Variants in ASH1L observed in about 807,000 individuals in gnomAD.
ASH1L encodes histone-lysine N-methyltransferase ASH1L.
Under a neutral mutation model 269.0 loss-of-function variants are expected in ASH1L, and 23 were observed. That is an observed-to-expected ratio of 0.09 (90% confidence interval 0.06 to 0.12). The LOEUF is 0.12. ASH1L is among the 10% of genes least tolerant of loss of function. The probability of loss-of-function intolerance (pLI) is 1.00; values close to 1 mark genes in which losing one functional copy is unlikely to be tolerated. For synonymous variants in ASH1L, 1,187 were observed against 1,253.5 expected (o/e 0.95, Z 1.12); for missense variants, 2,912 against 3,567.8 (o/e 0.82, Z 4.68).
chr1:155,381,483 G>A (rs1291233431), intron 7 of ASH1L, among the ~76,000 whole-genome samples: 1 of 151,936 alleles, frequency 6.6e-6, no homozygotes, highest in Non-Finnish European at 1.5e-5. Context: ...CTGGGAGGCA[G>A]AGGTTGCAGT....
intron 4 of ASH1L, among the ~76,000 whole-genome samples, chr1:155,446,606 AGTTTC>A (rs1394602171): frequency 1.4e-5 from 2 of 144,228 alleles, no homozygotes; most frequent in East Asian, 2.0e-4. Context: ...GCTACATTTC[AGTTTC>A]TTTTTTTTTT....
At position 155,343,236 on chromosome 1, in the gene ASH1L, C is replaced by T. The variant is rs1375738927; in HGVS notation, c.8293+78G>A. ...GCTTAAGCAATCTGCCTGCCTCGGC[C>T]TCCCACACCGCTGGGATTATCAGCG... On this transcript the variant is annotated intron_variant, in intron 24 of 27. Coordinates refer to ENST00000392403, the MANE Select transcript of ASH1L (RefSeq NM_018489.3). This position sits in a 1 kb window ranked among gnomAD's most constrained non-coding sequence, Gnocchi z 6.1. 1 of 1,501,118 alleles carries T rather than the reference C, an allele frequency of 6.7e-7. No homozygotes were observed. Among genetic ancestry groups the T allele is most frequent in the Non-Finnish European group, 9.0e-7 (1 of 1,109,808 alleles). The allele number at this position is 1,501,118 out of a possible 1,614,324, so 93.0% of individuals were successfully genotyped here. A position where few individuals can be genotyped will look rare whatever the true frequency, so the allele number is the denominator to read the frequency against.
intron 2 of ASH1L, among the ~76,000 whole-genome samples, chr1:155,488,363 A>G (rs903994077): frequency 6.6e-6 from 1 of 151,512 alleles, no homozygotes; most frequent in Non-Finnish European, 1.5e-5. Flanking sequence ...GAATGAGACA[A>G]CATTAAGATT....
intron 1 of ASH1L, among the ~76,000 whole-genome samples, chr1:155,531,422 T>A (rs1669669163): frequency 6.6e-6 from 1 of 152,052 alleles, no homozygotes; most frequent in South Asian, 2.1e-4. Flanking sequence ...AGTGGCGTGA[T>A]CTCGGCTCAC....
chr1:155,360,191 C>G, intron 13 of ASH1L, 110 bp downstream of exon 13: 2 of 743,708 alleles, frequency 2.7e-6, no homozygotes, highest in Non-Finnish European at 4.6e-6. Flanking sequence ...TGTCCAGCCT[C>G]CCACATACTT....
At chr1:155,462,092 G>A (rs760551851) in intron 3 of ASH1L, among the ~76,000 whole-genome samples, 3 of 152,064 alleles carry the variant, frequency 2.0e-5, no homozygotes, top group African/African-American at 4.8e-5. Context: ...GAGCCACTGC[G>A]CCCAGCCCTA....
chr1:155,553,149 A>AT (rs1175728048), intron 1 of ASH1L, among the ~76,000 whole-genome samples: 1 of 152,168 alleles, frequency 6.6e-6, no homozygotes, highest in Admixed American at 6.6e-5. Flanking sequence ...TTTTCAACAA[A>AT]TTGAGGGGAA....
chr1:155,527,915 T>G (rs910632137), intron 1 of ASH1L, among the ~76,000 whole-genome samples: 25 of 152,136 alleles, frequency 1.6e-4, no homozygotes, highest in African/African-American at 5.8e-4. Flanking sequence ...GGTTCTTTCC[T>G]TCCTCCATGA....
intron 3 of ASH1L, among the ~76,000 whole-genome samples, chr1:155,462,339 T>C (rs1664368603): frequency 6.6e-6 from 1 of 152,214 alleles, no homozygotes; most frequent in South Asian, 2.1e-4. Context: ...CTTAGGCTAT[T>C]TGGTAGTGTT....
At chr1:155,540,625 TG>T (rs1670364476) in intron 1 of ASH1L, among the ~76,000 whole-genome samples, 1 of 152,066 alleles carries the variant, frequency 6.6e-6, no homozygotes, top group Admixed American at 6.6e-5. Flanking sequence ...AAAAATTAGC[TG>T]GATATGGTGG....
intron 1 of ASH1L, among the ~76,000 whole-genome samples, chr1:155,542,495 G>C (rs1333607929): frequency 6.6e-6 from 1 of 151,642 alleles, no homozygotes; most frequent in Non-Finnish European, 1.5e-5. Context: ...CTTGCAGTGA[G>C]CCCAGGTTGC....
At chr1:155,369,467 G>T (rs945153393) in intron 12 of ASH1L, among the ~76,000 whole-genome samples, 1 of 151,414 alleles carries the variant, frequency 6.6e-6, no homozygotes, top group Non-Finnish European at 1.5e-5. Flanking sequence ...AAAAGTCTAT[G>T]TATTTCTCTG....
Position 155,460,562 on chromosome 1 carries a change from T to C in ASH1L, c.4985-664A>G, listed in dbSNP as rs191824462. On this transcript the variant is annotated intron_variant, in intron 3 of 27. Transcript: ENST00000392403. ...GGCAGAGGTTGCAGTGAGCCGAGAT[T>C]GCGCCATTGCACTGCAGCCTGGGCA... Among the ~76,000 whole-genome samples the C allele has an allele frequency of 5.3e-4, 81 of 152,246 alleles. No individual in the cohort carries two copies. In the East Asian group the frequency reaches 0.013, roughly 24 times the overall value.
chr1:155,537,043 CAAAA>C (rs753661652), intron 1 of ASH1L, among the ~76,000 whole-genome samples: 1 of 79,790 alleles, frequency 1.3e-5, no homozygotes. Flanking sequence ...GACTCTGTCT[CAAAA>C]AAAAAAAAAG....
chr1:155,548,963 G>A (rs545862063), intron 1 of ASH1L, among the ~76,000 whole-genome samples: 5 of 152,168 alleles, frequency 3.3e-5, no homozygotes, highest in Admixed American at 6.5e-5. Context: ...AACCAACCAC[G>A]GATCAAAAAT....
At chr1:155,469,264 C>A (rs900171919) in intron 3 of ASH1L, among the ~76,000 whole-genome samples, 2 of 151,964 alleles carry the variant, frequency 1.3e-5, no homozygotes, top group Non-Finnish European at 2.9e-5. Context: ...CTCACCACAA[C>A]CTCCACTTCC....
In ASH1L at chr1:155,521,423, T is replaced by C. The variant is rs772090388; in HGVS notation, c.97A>G (p.Ser33Gly). ...TTTTCTAGCTCTACTTCTCTCTTAC[T>C]GACCAATGTGCCAGTACTGATGGCA... ...PSAISTGTLV[S>G]KREVELEKNT... The change falls in exon 2 of 28, where the codon AGT becomes GGT. Residue 33 changes from serine to glycine, a missense_variant. Ser to Gly is a moderately conservative substitution (Grantham distance 56, BLOSUM62 0). Transcript: ENST00000392403. The C allele has an allele frequency of 2.5e-6, 4 of 1,614,072 alleles. No homozygotes were observed. Among genetic ancestry groups the C allele is most frequent in the Non-Finnish European group, 3.4e-6 (4 of 1,180,042 alleles).
chr1:155,406,503 G>C (rs1235383668), intron 6 of ASH1L, among the ~76,000 whole-genome samples: 1 of 152,036 alleles, frequency 6.6e-6, no homozygotes, highest in Non-Finnish European at 1.5e-5. Flanking sequence ...CCAAGAGTTC[G>C]AGACAGCCTG....
intron 2 of ASH1L, among the ~76,000 whole-genome samples, chr1:155,487,949 G>A (rs1570960387): frequency 6.6e-6 from 1 of 150,434 alleles, no homozygotes; most frequent in African/African-American, 2.5e-5. Flanking sequence ...GCGCAGTGGC[G>A]CCATCTCGGC....
Sources: allele counts gnomAD v4.1 joint callset (sites outside exome capture counted in the v4.1 genomes callset), GRCh38; gene constraint gnomAD v4.1.1; non-coding constraint Gnocchi (gnomAD v3.1); transcripts MANE v1.5; gene names NCBI Gene and HGNC (gene_info 2026-07-23, HGNC 2026-07-21).